MEF2A: variants seen among roughly 807,000 people sequenced by gnomAD.
The protein encoded by MEF2A is myocyte enhancer factor 2A.
A neutral mutation model predicts 55.8 loss-of-function variants in MEF2A; 28 were observed. The ratio of observed to expected loss-of-function variants is 0.50; its 90% confidence interval spans 0.37 to 0.69. MEF2A has a LOEUF of 0.69. Among genes scored for constraint, MEF2A ranks in the 30% least tolerant of loss-of-function variants. The probability of loss-of-function intolerance (pLI) is 0.00; values close to 1 mark genes in which losing one functional copy is unlikely to be tolerated. For missense variants in MEF2A, 528 were observed against 626.2 expected (o/e 0.84, Z 1.67); for synonymous variants, 239 against 227.1 (o/e 1.05, Z -0.47).
intron 1 of MEF2A, among the ~76,000 whole-genome samples, chr15:99,571,967 G>T (rs534243012): frequency 1.3e-5 from 2 of 150,404 alleles, no homozygotes; most frequent in Non-Finnish European, 2.9e-5. Flanking sequence ...AAGTACTGCA[G>T]TAATTTTCTA....
chr15:99,572,897 G>A (rs1402856753), intron 1 of MEF2A, among the ~76,000 whole-genome samples: 1 of 152,204 alleles, frequency 6.6e-6, no homozygotes, highest in African/African-American at 2.4e-5. Context: ...GAATTGCTAT[G>A]TCAAGGACCA....
Position 99,593,203 on chromosome 15 carries a change from T to C in MEF2A, c.-224-5227T>C, listed in dbSNP as rs141376707. On this transcript the variant is annotated intron_variant, in intron 1 of 11. Coordinates refer to ENST00000557942, the MANE Select transcript of MEF2A (RefSeq NM_001319206.4). ...TGCTAATCTGTCGCACAAATTCCCA[T>C]TACCTCAGACTTCCTGAATTTTTAT... 3.2e-3 allele frequency among the ~76,000 whole-genome samples: 480 copies of C among 152,216 alleles called. 4 individuals are homozygous for C. The highest frequency in any genetic ancestry group is 0.011 in the African/African-American group (451 of 41,526).
intron 8 of MEF2A, among the ~76,000 whole-genome samples, chr15:99,700,688 G>GA (rs2057290167): frequency 2.0e-5 from 3 of 152,106 alleles, no homozygotes; most frequent in African/African-American, 7.2e-5. Context: ...GGGCTGCTTG[G>GA]AAAAAAATGG....
intron 4 of MEF2A, among the ~76,000 whole-genome samples, chr15:99,669,468 G>A (rs1487351712): frequency 1.3e-5 from 2 of 152,156 alleles, no homozygotes; most frequent in Non-Finnish European, 2.9e-5. Flanking sequence ...GGTTGGGGGA[G>A]GATAAATGCC....
intron 4 of MEF2A, among the ~76,000 whole-genome samples, chr15:99,666,481 G>A (rs2049748504): frequency 6.6e-6 from 1 of 151,964 alleles, no homozygotes; most frequent in South Asian, 2.1e-4. Flanking sequence ...AGTACGTAAT[G>A]TAGATGATGG....
intron 7 of MEF2A, among the ~76,000 whole-genome samples, chr15:99,676,458 A>T (rs995360390): frequency 6.6e-6 from 1 of 151,906 alleles, no homozygotes; most frequent in Non-Finnish European, 1.5e-5. Context: ...GTGAGAGCCT[A>T]ATATGCTTCT....
intron 2 of MEF2A, among the ~76,000 whole-genome samples, chr15:99,628,779 C>G (rs1245792405): frequency 6.6e-6 from 1 of 152,104 alleles, no homozygotes; most frequent in Non-Finnish European, 1.5e-5. Flanking sequence ...TTCCTTTATT[C>G]CTTTGGAGTT....
chr15:99,713,175 T>C lies in MEF2A; in HGVS notation c.*404T>C, dbSNP rs1425692878. On this transcript the variant is annotated 3_prime_UTR_variant, in exon 12 of 12. Transcript: ENST00000557942. ...GTTTTATTTAACTGTGCAGTGACTGTAGTTACTTAAGAGAAAATGCTTTGT... is the reference window on the plus strand; with the variant it reads ...GTTTTATTTAACTGTGCAGTGACTGCAGTTACTTAAGAGAAAATGCTTTGT... 9.7e-6 allele frequency: 4 copies of C among 410,926 alleles called. No individual in the cohort carries two copies. Among genetic ancestry groups the C allele is most frequent in the African/African-American group, 8.2e-5 (4 of 48,926 alleles). The allele number at this position is 410,926 out of a possible 1,614,324, so 25.5% of individuals were successfully genotyped here.
intron 4 of MEF2A, among the ~76,000 whole-genome samples, chr15:99,667,290 C>CG (rs2049982944): frequency 6.6e-6 from 1 of 152,040 alleles, no homozygotes; most frequent in Non-Finnish European, 1.5e-5. Context: ...GGCACGATCT[C>CG]GCTCACTGCA....
intron 2 of MEF2A, among the ~76,000 whole-genome samples, chr15:99,607,068 C>A (rs1418839993): frequency 6.6e-6 from 1 of 151,994 alleles, no homozygotes. Context: ...ATGTGTGATT[C>A]CACGTATATA....
At chr15:99,684,597 G>C (rs1199134775) in intron 7 of MEF2A, among the ~76,000 whole-genome samples, 1 of 152,108 alleles carries the variant, frequency 6.6e-6, no homozygotes, top group African/African-American at 2.4e-5. Flanking sequence ...TGTAGATTCT[G>C]GATATTAGTC....
chr15:99,701,857 A>G (rs1423178302), intron 8 of MEF2A, among the ~76,000 whole-genome samples: 1 of 152,224 alleles, frequency 6.6e-6, no homozygotes, highest in Non-Finnish European at 1.5e-5. Context: ...ACTCTACAAA[A>G]TGTCATGTAG....
intron 9 of MEF2A, among the ~76,000 whole-genome samples, chr15:99,705,955 CGT>C (rs1316854447): frequency 2.0e-5 from 3 of 152,212 alleles, no homozygotes; most frequent in Non-Finnish European, 4.4e-5. Context: ...CTGCTTCTGT[CGT>C]ACTCCTACAC....
intron 1 of MEF2A, among the ~76,000 whole-genome samples, chr15:99,586,930 A>G (rs1356933163): frequency 6.6e-6 from 1 of 152,234 alleles, no homozygotes; most frequent in East Asian, 1.9e-4. Flanking sequence ...GTTGAAGATC[A>G]AATGACCGTA....
intron 1 of MEF2A, among the ~76,000 whole-genome samples, chr15:99,596,547 T>A (rs1567187969): frequency 6.6e-6 from 1 of 152,148 alleles, no homozygotes; most frequent in Non-Finnish European, 1.5e-5. Context: ...AAAATCAGGG[T>A]CATAATAATT....
chr15:99,673,772 G>T (rs1187231665), intron 5 of MEF2A, among the ~76,000 whole-genome samples: 1 of 151,970 alleles, frequency 6.6e-6, no homozygotes, highest in African/African-American at 2.4e-5. Context: ...TTTATTACTG[G>T]CTTGGTTAGT....
At chr15:99,568,803 G>A (rs538202347) in intron 1 of MEF2A, among the ~76,000 whole-genome samples, 4 of 152,300 alleles carry the variant, frequency 2.6e-5, no homozygotes, top group Non-Finnish European at 5.9e-5. Context: ...CACATATTCT[G>A]TGTTGTCATC....
At chr15:99,587,134 T>C (rs1240773062) in intron 1 of MEF2A, among the ~76,000 whole-genome samples, 1 of 152,142 alleles carries the variant, frequency 6.6e-6, no homozygotes, top group African/African-American at 2.4e-5. Context: ...GGTATACATA[T>C]GCCATGGTGG....
At chr15:99,692,642 C>G in intron 8 of MEF2A, among the ~76,000 whole-genome samples, 1 of 152,128 alleles carries the variant, frequency 6.6e-6, no homozygotes. Flanking sequence ...TCTGTGTTCT[C>G]TTGTATACTT....
Sources: allele counts gnomAD v4.1 joint callset (sites outside exome capture counted in the v4.1 genomes callset), GRCh38; gene constraint gnomAD v4.1.1; transcripts MANE v1.5; gene names NCBI Gene and HGNC (gene_info 2026-07-23, HGNC 2026-07-21).